The following LATS1 variants were observed in gnomAD, a reference collection of about 807,000 sequenced individuals.
LATS1 encodes large tumor suppressor kinase 1.
LATS1 carries 25 observed loss-of-function variants against 106.6 expected under a neutral mutation model. That is an observed-to-expected ratio of 0.23 (90% confidence interval 0.17 to 0.33). LATS1 has a LOEUF of 0.33. LATS1 is among the 10% of genes least tolerant of loss of function. The pLI, the probability that LATS1 is intolerant of heterozygous loss-of-function variation, is 1.00. For synonymous variants in LATS1, 465 were observed against 455.6 expected (o/e 1.02, Z -0.26); for missense variants, 1,040 against 1,382.6 (o/e 0.75, Z 3.93).
chr6:149,682,415 CTTT>C (rs869175355), intron 4 of LATS1, among the ~76,000 whole-genome samples: 6 of 138,310 alleles, frequency 4.3e-5, no homozygotes, highest in Non-Finnish European at 1.6e-5. Flanking sequence ...TTTCTTTTTT[CTTT>C]TTTTTTTTTT....
In LATS1 at chr6:149,683,226, C is replaced by T. The variant is rs1275783020; in HGVS notation, c.1863G>A (p.Lys621=). ...GAGATTCCCTTCGCTCTTCATCTTT[C>T]TTGTTTTTCCTAACAGTAATAGGTG... ...TTSPITVRKN[K]KDEERRESRI... is the part of the protein sequence containing the mutation. Residue 621 remains lysine, a synonymous_variant, in exon 4 of 8, where the codon AAG becomes AAA. Coordinates refer to ENST00000543571, the MANE Select transcript of LATS1 (RefSeq NM_004690.4). The T allele has an allele frequency of 6.2e-7, 1 of 1,613,952 alleles. No homozygotes were observed. The highest frequency in any genetic ancestry group is 1.3e-5 in the African/African-American group (1 of 74,994).
chr6:149,664,161 C>CAAAAAAAAAAAA (rs58373258), intron 7 of LATS1, among the ~76,000 whole-genome samples: 1 of 121,204 alleles, frequency 8.3e-6, no homozygotes, highest in Non-Finnish European at 1.9e-5. Flanking sequence ...CAGTTTAAGG[C>CAAAAAAAAAAAA]AAAAAAAAAA....
At chr6:149,670,428 T>C (rs1781386439) in intron 7 of LATS1, among the ~76,000 whole-genome samples, 1 of 151,892 alleles carries the variant, frequency 6.6e-6, no homozygotes, top group Non-Finnish European at 1.5e-5. Flanking sequence ...ATCAGATACT[T>C]ACAGCAGCCA....
chr6:149,681,216 A>C (rs551133870), intron 4 of LATS1, among the ~76,000 whole-genome samples: 20 of 152,346 alleles, frequency 1.3e-4, no homozygotes, highest in African/African-American at 4.6e-4. Flanking sequence ...ACTTCTAAGT[A>C]TTATAGATAT....
Position 149,680,117 on chromosome 6 carries a change from T to C in LATS1, c.2351A>G (p.Tyr784Cys). ...GCTCATCATATCACCCCCAGGAATG[T>C]AGTCCATTACAAAGTATAAATTGTC... ...DKDNLYFVMD[Y>C]IPGGDMMSLL... The change falls in exon 5 of 8, where the codon TAC (tyrosine) becomes TGC (cysteine). Residue 784 changes from tyrosine (Y) to cysteine (C), a missense_variant. By Grantham distance (194) the Tyr-to-Cys change is radical (BLOSUM62 -2). Transcript: ENST00000543571. 6.2e-7 allele frequency: 1 copy of C among 1,613,454 alleles called. No homozygotes were observed. The highest frequency in any genetic ancestry group is 8.5e-7 in the Non-Finnish European group (1 of 1,179,566).
At chr6:149,695,973 T>G (rs1582901609) in intron 2 of LATS1, among the ~76,000 whole-genome samples, 1 of 151,922 alleles carries the variant, frequency 6.6e-6, no homozygotes, top group East Asian at 2.0e-4. Context: ...GGTGCGATCT[T>G]GGCTCACTAG....
chr6:149,707,502 T>A (rs1783854504), intron 1 of LATS1, among the ~76,000 whole-genome samples: 1 of 152,126 alleles, frequency 6.6e-6, no homozygotes, highest in Non-Finnish European at 1.5e-5. Context: ...CCCCATAACA[T>A]TTCATGAGAT....
chr6:149,705,207 G>A (rs912139622), intron 1 of LATS1, among the ~76,000 whole-genome samples: 1 of 152,042 alleles, frequency 6.6e-6, no homozygotes, highest in African/African-American at 2.4e-5. Flanking sequence ...CATACCATGT[G>A]CTTTTTATGA....
At chr6:149,679,780 G>GCT in intron 5 of LATS1, 95 bp downstream of exon 5, 1 of 897,556 alleles carries the variant, frequency 1.1e-6, no homozygotes, top group East Asian at 2.7e-5. Flanking sequence ...ACATCTTCTG[G>GCT]CTCTCATCCA....
chr6:149,692,902 G>C (rs1051743806), intron 3 of LATS1, among the ~76,000 whole-genome samples: 1 of 151,642 alleles, frequency 6.6e-6, no homozygotes. Context: ...TCTAACTCCC[G>C]ACCTCAGGTG....
chr6:149,716,501 TA>T (rs1173331570), intron 1 of LATS1: 4 of 152,046 alleles, frequency 2.6e-5, no homozygotes, highest in African/African-American at 9.7e-5. Context: ...TTGATGTAAA[TA>T]AAACATCTAA....
chr6:149,707,123 T>G (rs891774624), intron 1 of LATS1, among the ~76,000 whole-genome samples: 2 of 151,276 alleles, frequency 1.3e-5, no homozygotes, highest in African/African-American at 4.9e-5. Flanking sequence ...TCAAGCAATT[T>G]TCCTGCCTCA....
chr6:149,702,122 T>C lies in LATS1; in HGVS notation c.5A>G (p.Lys2Arg). The change falls in exon 2 of 8, where the codon AAG (lysine) becomes AGG (arginine). Residue 2 changes from lysine (K) to arginine (R), a missense_variant. Coordinates refer to ENST00000543571, the MANE Select transcript of LATS1 (RefSeq NM_004690.4). ...ATATCCTTCTGGCTTTTCACTCCTC[T>C]TCATGAAAACATCTATATATGTAGC... is the stretch of plus-strand genomic sequence containing the variant. Reference protein sequence around the residue: MKRSEKPEGYRQ... With the variant: MRRSEKPEGYRQ... 2 of 1,599,444 alleles carry C rather than the reference T, an allele frequency of 1.3e-6. No homozygotes were observed. Among genetic ancestry groups the C allele is most frequent in the East Asian group, 2.2e-5 (1 of 44,782 alleles).
intron 3 of LATS1, among the ~76,000 whole-genome samples, chr6:149,691,535 G>C (rs971442239): frequency 6.6e-6 from 1 of 152,040 alleles, no homozygotes; most frequent in African/African-American, 2.4e-5. Context: ...TTGGCATTTT[G>C]ACCATTCCCT....
In LATS1 at chr6:149,682,184, G is replaced by A. The variant is rs142761926; in HGVS notation, c.2010+895C>T. Among the ~76,000 whole-genome samples, 95 of 151,314 alleles carry A rather than the reference G, an allele frequency of 6.3e-4. 2 individuals carry two copies. The East Asian group carries it at 0.015, about 24-fold the overall frequency. ...ATGTGGAATGACAACACAGATTAAAGTGTGTTTACTTACTCTGATCTCCCT... is the reference window on the plus strand; with the variant it reads ...ATGTGGAATGACAACACAGATTAAAATGTGTTTACTTACTCTGATCTCCCT... On this transcript the variant is annotated intron_variant, in intron 4 of 7. Transcript: ENST00000543571.
At chr6:149,665,096 T>C (rs1056364366) in intron 7 of LATS1, among the ~76,000 whole-genome samples, 1 of 152,188 alleles carries the variant, frequency 6.6e-6, no homozygotes, top group Non-Finnish European at 1.5e-5. Context: ...CAGTGGCTCA[T>C]CACGCCTGTA....
chr6:149,710,526 T>G (rs770443817), intron 1 of LATS1, among the ~76,000 whole-genome samples: 2 of 152,206 alleles, frequency 1.3e-5, no homozygotes, highest in Non-Finnish European at 2.9e-5. Flanking sequence ...ATTCAGTGTT[T>G]CATTATCCTA....
chr6:149,690,315 G>A (rs1782668790), intron 3 of LATS1, among the ~76,000 whole-genome samples: 1 of 149,652 alleles, frequency 6.7e-6, no homozygotes, highest in African/African-American at 2.5e-5. Context: ...CCAGGTTCAA[G>A]TGATTCTCCT....
chr6:149,677,730 C>T (rs1582862888), intron 5 of LATS1, among the ~76,000 whole-genome samples: 1 of 152,214 alleles, frequency 6.6e-6, no homozygotes, highest in East Asian at 1.9e-4. Flanking sequence ...AGAAATTAAC[C>T]TAACTGTAAT....
Sources: gnomAD v4.1 joint callset for allele counts (sites outside exome capture counted in the v4.1 genomes callset) on GRCh38, gnomAD v4.1.1 for gene constraint, MANE v1.5 for transcripts, NCBI Gene and HGNC (gene_info 2026-07-23, HGNC 2026-07-21) for gene names.